Variants in GPHN observed in about 807,000 individuals in gnomAD.
GPHN encodes gephyrin.
A neutral mutation model predicts 95.5 loss-of-function variants in GPHN; 17 were observed. That is an observed-to-expected ratio of 0.18 (90% CI 0.12 to 0.27). GPHN has a LOEUF of 0.27. GPHN is among the 10% of genes least tolerant of loss of function. The pLI is 1.00. For missense variants in GPHN, 660 were observed against 978.1 expected (o/e 0.67, Z 4.34); for synonymous variants, 320 against 322.5 (o/e 0.99, Z 0.08).
chr14:67,317,329 A>C, the GPHN span: 5 of 1,247,354 alleles, frequency 4.0e-6, no homozygotes, highest in South Asian at 6.8e-5. Flanking sequence ...ATGAATGAAT[A>C]AATAGAGTTC....
the GPHN span, among the ~76,000 whole-genome samples, chr14:67,283,898 G>A: frequency 6.6e-6 from 1 of 152,174 alleles, no homozygotes; most frequent in African/African-American, 2.4e-5. Flanking sequence ...GCGAAGATTT[G>A]CTTCGTTGTC....
chr14:67,733,863 G>A, the GPHN span: 1 of 1,581,406 alleles, frequency 6.3e-7, no homozygotes, highest in South Asian at 1.1e-5. Flanking sequence ...TGGAAGAGCT[G>A]CAGCTTTATC....
At chr14:66,925,126 T>C (rs1178335125) in intron 8 of GPHN, among the ~76,000 whole-genome samples, 1 of 152,146 alleles carries the variant, frequency 6.6e-6, no homozygotes, top group Non-Finnish European at 1.5e-5. Context: ...GTGAAGACTT[T>C]TTAAAAATTT....
At chr14:67,067,310 G>T (rs755779598) in intron 11 of GPHN, among the ~76,000 whole-genome samples, 7 of 152,166 alleles carry the variant, frequency 4.6e-5, no homozygotes, top group Non-Finnish European at 1.0e-4. Context: ...GCTGCCTGAT[G>T]CTTCCTCTGG....
At chr14:66,696,444 T>C (rs1053000650) in intron 2 of GPHN, among the ~76,000 whole-genome samples, 2 of 152,194 alleles carry the variant, frequency 1.3e-5, no homozygotes, top group African/African-American at 4.8e-5. Context: ...GGTGGTGTGT[T>C]CTTGTTTTTG....
intron 4 of GPHN, among the ~76,000 whole-genome samples, chr14:66,854,286 C>T (rs1430470702): frequency 6.6e-6 from 1 of 152,178 alleles, no homozygotes; most frequent in Non-Finnish European, 1.5e-5. Flanking sequence ...AACCTCATTT[C>T]AAGTTCACAT....
At chr14:66,724,040 T>C (rs936043280) in intron 2 of GPHN, among the ~76,000 whole-genome samples, 11 of 151,062 alleles carry the variant, frequency 7.3e-5, no homozygotes, top group African/African-American at 2.7e-4. Flanking sequence ...CAAATAAAGA[T>C]CTTACAGGTT....
Position 66,508,318 on chromosome 14 carries a change from C to A in GPHN, c.-210C>A. On this transcript the variant is annotated 5_prime_UTR_variant, in exon 1 of 23. Transcript: ENST00000478722. ...TTGGGGCCGCGCGCCCTGACTCCTT[C>A]CCCTCCCGCGGACCCGCGCACTCCC... The A allele has an allele frequency of 1.6e-6, 1 of 606,906 alleles. No individual in the cohort carries two copies. The highest frequency in any genetic ancestry group is 2.9e-6 in the Non-Finnish European group (1 of 339,922). The allele number at this position is 606,906 out of a possible 1,614,324, so 37.6% of individuals were successfully genotyped here.
intron 10 of GPHN, among the ~76,000 whole-genome samples, chr14:67,024,924 C>T (rs1364565428): frequency 6.6e-6 from 1 of 151,986 alleles, no homozygotes; most frequent in Non-Finnish European, 1.5e-5. Context: ...TATCTTAGCT[C>T]CAAACCCTTG....
chr14:67,258,731 C>T, the GPHN span, among the ~76,000 whole-genome samples: 1 of 150,986 alleles, frequency 6.6e-6, no homozygotes, highest in African/African-American at 2.4e-5. Flanking sequence ...CTTCAGACTG[C>T]CTTGATACTG....
intron 18 of GPHN, among the ~76,000 whole-genome samples, chr14:67,147,600 C>T (rs1309881968): frequency 6.6e-6 from 1 of 151,930 alleles, no homozygotes; most frequent in Admixed American, 6.6e-5. Context: ...GCAGTACTGC[C>T]GTCATAGTTG....
chr14:67,454,636 C>CA, the GPHN span: 1 of 152,294 alleles, frequency 6.6e-6, no homozygotes, highest in East Asian at 1.9e-4. Flanking sequence ...GAAGAAAAGC[C>CA]AAGTGTTCTC....
At chr14:67,619,946 C>G in the GPHN span, 4 of 1,468,258 alleles carry the variant, frequency 2.7e-6, no homozygotes, top group Non-Finnish European at 9.2e-7. Context: ...CGCGCGGAGC[C>G]TCTGCCTTGG....
At chr14:66,857,355 A>G (rs1218803049) in intron 4 of GPHN, among the ~76,000 whole-genome samples, 1 of 152,202 alleles carries the variant, frequency 6.6e-6, no homozygotes, top group Non-Finnish European at 1.5e-5. Flanking sequence ...TATCTCAAGA[A>G]GGATAAATAA....
At chr14:66,969,180 T>C (rs2153590235) in intron 9 of GPHN, 1 of 152,318 alleles carries the variant, frequency 6.6e-6, no homozygotes, top group African/African-American at 2.4e-5. Context: ...TCATATATTT[T>C]CTTTTAATGA....
intron 1 of GPHN, among the ~76,000 whole-genome samples, chr14:66,526,394 G>T (rs557621171): frequency 1.3e-5 from 2 of 152,204 alleles, no homozygotes; most frequent in South Asian, 4.1e-4. Flanking sequence ...GAGACGATGG[G>T]GTTTTCTAAA....
the GPHN span, among the ~76,000 whole-genome samples, chr14:67,490,712 C>T: frequency 1.3e-5 from 2 of 152,186 alleles, no homozygotes; most frequent in African/African-American, 4.8e-5. Flanking sequence ...CTCATCATCT[C>T]CTTGGCCTGG....
chr14:67,237,222 T>C, the GPHN span, among the ~76,000 whole-genome samples: 1 of 152,174 alleles, frequency 6.6e-6, no homozygotes, highest in Non-Finnish European at 1.5e-5. Flanking sequence ...TCTCTGATCA[T>C]CTGGTTCATA....
intron 1 of GPHN, among the ~76,000 whole-genome samples, chr14:66,660,218 G>A (rs1003351965): frequency 5.3e-5 from 8 of 151,932 alleles, no homozygotes; most frequent in Non-Finnish European, 7.4e-5. Context: ...TTTCTTGTAC[G>A]TACATATAGA....
Sources: gnomAD v4.1 joint callset for allele counts (sites outside exome capture counted in the v4.1 genomes callset) on GRCh38, gnomAD v4.1.1 for gene constraint, MANE v1.5 for transcripts, NCBI Gene and HGNC (gene_info 2026-07-23, HGNC 2026-07-21) for gene names.